The following KDM4A variants were observed in gnomAD, a reference collection of about 807,000 sequenced individuals.
KDM4A encodes the protein lysine-specific demethylase 4A.
A neutral mutation model predicts 127.1 loss-of-function variants in KDM4A; 23 were observed. The ratio of observed to expected loss-of-function variants is 0.18; its 90% CI spans 0.13 to 0.26. The LOEUF (loss-of-function observed/expected upper bound fraction) is 0.26, where lower values mean the gene tolerates loss of function less well. KDM4A is among the 10% of genes least tolerant of loss of function. The pLI is 1.00. For synonymous variants in KDM4A, 443 were observed against 466.5 expected (o/e 0.95, Z 0.65); for missense variants, 890 against 1,329.1 (o/e 0.67, Z 5.14).
chr1:43,690,781 C>A, intron 13 of KDM4A, 64 bp from the exon 14 acceptor site: 4 of 1,424,592 alleles, frequency 2.8e-6, no homozygotes, highest in Non-Finnish European at 4.0e-6. Context: ...GCTGATAGAG[C>A]AGGTGGAAAG....
At chr1:43,672,259 G>A (rs1442349145) in intron 11 of KDM4A, among the ~76,000 whole-genome samples, 1 of 151,930 alleles carries the variant, frequency 6.6e-6, no homozygotes, top group Non-Finnish European at 1.5e-5. Flanking sequence ...CATGATCTTG[G>A]CTCACTGCAA....
Position 43,667,895 on chromosome 1 carries a change from A to G in KDM4A, c.1039A>G (p.Thr347Ala). The change falls in exon 9 of 22, where the codon ACG becomes GCG. Residue 347 changes from threonine to alanine, a missense_variant. Transcript: ENST00000372396. ...DNTVIDHTLP[T>A]PEAAEFLKES... is the part of the protein sequence containing the mutation. Reference sequence around the variant, plus strand: ...CACAGTTATTGACCATACTCTGCCCACGCCAGAAGCAGCTGAGTTTCTTAA... The same window carrying G: ...CACAGTTATTGACCATACTCTGCCCGCGCCAGAAGCAGCTGAGTTTCTTAA... 1 of 1,614,206 alleles carries G rather than the reference A, an allele frequency of 6.2e-7. No individual in the cohort carries two copies. The highest frequency in any genetic ancestry group is 8.5e-7 in the Non-Finnish European group (1 of 1,180,022).
At chr1:43,659,605 C>T (rs915561511) in intron 3 of KDM4A, among the ~76,000 whole-genome samples, 1 of 152,214 alleles carries the variant, frequency 6.6e-6, no homozygotes, top group Non-Finnish European at 1.5e-5. Flanking sequence ...CAGGTGTGAG[C>T]CACACCCCTG....
In KDM4A at chr1:43,694,201, T is replaced by C; in HGVS notation, c.2484+99T>C. ...ACCCCTTGGTTTTGGTTAGAGTTTG[T>C]GATTCTCACTCTGTGGTTAGATTCC... On this transcript the variant is annotated intron_variant, in intron 17 of 21. Coordinates refer to ENST00000372396, the MANE Select transcript of KDM4A (RefSeq NM_014663.3). The surrounding 1 kb of genome is among the most constrained non-coding windows in gnomAD (Gnocchi z 5.2). The C allele has an allele frequency of 1.1e-6, 1 of 896,958 alleles. No individual in the cohort carries two copies. The highest frequency in any genetic ancestry group is 1.7e-6 in the Non-Finnish European group (1 of 571,596). 55.6% of individuals were successfully genotyped at this position (896,958 alleles called of 1,614,324 possible).
rs11438925 is a variant in KDM4A, at chr1:43,656,329, G to GTTTTTTTT, written c.314+582_314+589dup. Among the ~76,000 whole-genome samples, 10 of 54,176 alleles carry GTTTTTTTT rather than the reference G, an allele frequency of 1.8e-4. 1 individual carries two copies. The highest frequency in any genetic ancestry group is 7.0e-4 in the East Asian group (1 of 1,434). 35.5% of individuals were successfully genotyped at this position (54,176 alleles called of 152,430 possible). ...TGTTTTCAGTTCTTCTCTGCTGTTG[G>GTTTTTTTT]TTTTTTTTTTTTTTTTTTTTTTTTT... On this transcript the variant is annotated intron_variant, in intron 3 of 21. Coordinates refer to ENST00000372396, the MANE Select transcript of KDM4A (RefSeq NM_014663.3).
At chr1:43,656,887 G>T (rs544865046) in intron 3 of KDM4A, among the ~76,000 whole-genome samples, 1 of 151,302 alleles carries the variant, frequency 6.6e-6, no homozygotes, top group Non-Finnish European at 1.5e-5. Flanking sequence ...CTGCCACCAC[G>T]CCTGGCTAAT....
At chr1:43,690,164 G>A (rs1192962638) in intron 13 of KDM4A, among the ~76,000 whole-genome samples, 2 of 152,254 alleles carry the variant, frequency 1.3e-5, no homozygotes, top group Non-Finnish European at 2.9e-5. Context: ...CCAGCCATGT[G>A]ACAGTGCTGC....
chr1:43,660,244 A>G (rs2154046650), intron 3 of KDM4A, 54 bp from the exon 4 acceptor site: 1 of 1,569,948 alleles, frequency 6.4e-7, no homozygotes, highest in South Asian at 1.1e-5. Flanking sequence ...AATGTTCATA[A>G]TGCCTAATAA....
chr1:43,651,436 C>T (rs1267686332), intron 1 of KDM4A, among the ~76,000 whole-genome samples: 3 of 152,208 alleles, frequency 2.0e-5, no homozygotes, highest in African/African-American at 7.2e-5. Context: ...TGTTTAGAAA[C>T]ACGCCTTATT....
chr1:43,654,226 C>A (rs559561550), intron 2 of KDM4A, among the ~76,000 whole-genome samples: 1 of 151,994 alleles, frequency 6.6e-6, no homozygotes, highest in African/African-American at 2.4e-5. Context: ...TTTAAAGTTA[C>A]CAAAAAAATG....
At chr1:43,657,584 T>G (rs535890855) in intron 3 of KDM4A, among the ~76,000 whole-genome samples, 289 of 152,232 alleles carry the variant, frequency 1.9e-3, no homozygotes, top group Middle Eastern at 3.4e-3. Flanking sequence ...TGAAGAAATG[T>G]GGGGCTCTGC....
Position 43,671,794 on chromosome 1 carries a change from T to A in KDM4A, c.1653T>A (p.Asp551Glu). 6.2e-7 allele frequency: 1 copy of A among 1,611,234 alleles called. No homozygotes were observed. The highest frequency in any genetic ancestry group is 1.1e-5 in the South Asian group (1 of 90,700). The change falls in exon 11 of 22, where the codon GAT (aspartate) becomes GAA (glutamate). Residue 551 changes from aspartate to glutamate, a missense_variant. Physicochemically the swap from Asp to Glu is conservative, Grantham distance 45. Transcript: ENST00000372396. ...CTGTGCACAGTTATGCCAAAGGGGATGGCAGGGTCACTGTGGGAGAGCCAT... is the reference window on the plus strand; with the variant it reads ...CTGTGCACAGTTATGCCAAAGGGGAAGGCAGGGTCACTGTGGGAGAGCCAT... Reference protein sequence around the residue: ...VLTVHSYAKGDGRVTVGEPCT... With the variant: ...VLTVHSYAKGEGRVTVGEPCT...
intron 2 of KDM4A, among the ~76,000 whole-genome samples, chr1:43,654,445 G>C (rs1660188033): frequency 6.6e-6 from 1 of 151,080 alleles, no homozygotes; most frequent in Admixed American, 6.6e-5. Context: ...GTGTTGGTTC[G>C]TTCATTCTTT....
intron 2 of KDM4A, 69 bp from the exon 3 acceptor site, chr1:43,655,522 A>G (rs1043541539): frequency 2.2e-6 from 3 of 1,395,230 alleles, no homozygotes; most frequent in Admixed American, 2.1e-5. Flanking sequence ...TGGTAACTAC[A>G]TGCTTCCTGG....
In KDM4A at chr1:43,688,039, A is replaced by G. The variant is rs560451218; in HGVS notation, c.1856-875A>G. ...TCACTGTTTTTTTTTTTTAAGCCCC[A>G]ATGCTGAAAATGTAAAAACAAAGCT... On this transcript the variant is annotated intron_variant, in intron 12 of 21. Transcript: ENST00000372396. The surrounding 1 kb of genome is among the most constrained non-coding windows in gnomAD (Gnocchi z 4.4). 5.1e-4 allele frequency among the ~76,000 whole-genome samples: 77 copies of G among 151,346 alleles called. No homozygotes were observed. The highest frequency in any genetic ancestry group is 1.6e-3 in the African/African-American group (68 of 41,266).
At chr1:43,695,546 A>G (rs1456428903) in intron 18 of KDM4A, among the ~76,000 whole-genome samples, 1 of 152,180 alleles carries the variant, frequency 6.6e-6, no homozygotes, top group Admixed American at 6.5e-5. Context: ...GAGGCGGACA[A>G]CGGCAGAGGA....
Position 43,704,160 on chromosome 1 carries a change from C to A in KDM4A, c.3054+48C>A, listed in dbSNP as rs149595741. 1.4e-3 allele frequency: 2,284 copies of A among 1,613,096 alleles called. 7 individuals carry two copies. The highest frequency in any genetic ancestry group is 1.8e-3 in the Middle Eastern group (11 of 6,058). On this transcript the variant is annotated intron_variant, in intron 21 of 21. Transcript: ENST00000372396. ...CAGTTCCTGTCTTGGAGGGAGGGAA[C>A]AAGTCAAGGATGCATCCCTTTGTAT...
chr1:43,666,838 C>T, intron 7 of KDM4A, 116 bp from the exon 8 acceptor site: 1 of 1,014,876 alleles, frequency 9.9e-7, no homozygotes, highest in Non-Finnish European at 1.5e-6. Context: ...AGCAAGGACC[C>T]CAGGGGTTTT....
At chr1:43,676,493 G>C (rs1660744819) in intron 11 of KDM4A, among the ~76,000 whole-genome samples, 1 of 151,986 alleles carries the variant, frequency 6.6e-6, no homozygotes, top group Admixed American at 6.6e-5. Flanking sequence ...GCTAATTTTT[G>C]TATTTTTAGT....
Sources: allele counts gnomAD v4.1 joint callset (sites outside exome capture counted in the v4.1 genomes callset), GRCh38; gene constraint gnomAD v4.1.1; non-coding constraint Gnocchi (gnomAD v3.1); transcripts MANE v1.5; gene names NCBI Gene and HGNC (gene_info 2026-07-23, HGNC 2026-07-21).